Variants in QSER1 observed in about 807,000 individuals in gnomAD.
The protein encoded by QSER1 is glutamine and serine rich 1.
In QSER1, 49 loss-of-function variants were observed where a neutral mutation model predicts 158.5. The observed-to-expected ratio is 0.31, with a 90% CI of 0.25 to 0.39. QSER1 has a LOEUF of 0.39. QSER1 is among the 10% of genes least tolerant of loss of function. The probability of loss-of-function intolerance (pLI) is 1.00; values close to 1 mark genes in which losing one functional copy is unlikely to be tolerated. For synonymous variants in QSER1, 650 were observed against 715.5 expected (o/e 0.91, Z 1.46); for missense variants, 1,754 against 2,010.3 (o/e 0.87, Z 2.44).
chr11:32,894,679 A>G (rs767957794), intron 1 of QSER1, among the ~76,000 whole-genome samples: 2 of 152,254 alleles, frequency 1.3e-5, no homozygotes, highest in Non-Finnish European at 2.9e-5. Context: ...AAGAATAGGA[A>G]TATAAGCTTT....
At chr11:32,899,989 A>G (rs1851604586) in intron 1 of QSER1, among the ~76,000 whole-genome samples, 1 of 152,126 alleles carries the variant, frequency 6.6e-6, no homozygotes, top group Admixed American at 6.5e-5. Context: ...AGTAATTATT[A>G]TCACCATTTA....
intron 8 of QSER1, among the ~76,000 whole-genome samples, chr11:32,958,388 T>C (rs578072973): frequency 6.6e-6 from 1 of 151,542 alleles, no homozygotes; most frequent in African/African-American, 2.4e-5. Flanking sequence ...CATCTAGTTC[T>C]AAACTTTTTT....
At position 32,950,540 on chromosome 11, in the gene QSER1, AT is replaced by A. The variant is rs367584616; in HGVS notation, c.4178-3311del. Among the ~76,000 whole-genome samples the A allele has an allele frequency of 6.2e-4, 94 of 152,304 alleles. 1 individual carries two copies. The East Asian group carries it at 0.014, about 23-fold the overall frequency. ...CTCTATCAGCTGTGGTATTTGAAGT[AT>A]TTTTTAATAGTTTTATTGAATTATA... On this transcript the variant is annotated intron_variant, in intron 4 of 12. Transcript: ENST00000650167.
At chr11:32,929,381 C>T (rs1008126127) in intron 3 of QSER1, among the ~76,000 whole-genome samples, 7 of 152,100 alleles carry the variant, frequency 4.6e-5, no homozygotes, top group South Asian at 2.1e-4. Flanking sequence ...CAAAAGCGAC[C>T]GGCCTAGGAT....
At chr11:32,926,820 T>C (rs1395429560) in intron 1 of QSER1, 1 of 152,212 alleles carries the variant, frequency 6.6e-6, no homozygotes, top group Non-Finnish European at 1.5e-5. Flanking sequence ...TAAATTACAC[T>C]GTAAGCCAGA....
intron 8 of QSER1, among the ~76,000 whole-genome samples, chr11:32,961,767 G>A (rs988438582): frequency 6.6e-6 from 1 of 152,040 alleles, no homozygotes; most frequent in Non-Finnish European, 1.5e-5. Flanking sequence ...TTCCTTCTGT[G>A]TCTGGCTTCT....
At chr11:32,894,613 CT>C (rs1851531797) in intron 1 of QSER1, among the ~76,000 whole-genome samples, 1 of 152,154 alleles carries the variant, frequency 6.6e-6, no homozygotes, top group African/African-American at 2.4e-5. Flanking sequence ...GGTAGCTGGT[CT>C]TTGTCTTAGA....
chr11:32,920,102 G>A (rs979494564), intron 1 of QSER1, among the ~76,000 whole-genome samples: 6 of 152,124 alleles, frequency 3.9e-5, no homozygotes, highest in Non-Finnish European at 8.8e-5. Flanking sequence ...AGAATGGTAC[G>A]AGAAACCAAT....
intron 8 of QSER1, among the ~76,000 whole-genome samples, chr11:32,960,220 AT>A (rs543216797): frequency 2.6e-5 from 4 of 152,314 alleles, no homozygotes; most frequent in Non-Finnish European, 4.4e-5. Flanking sequence ...GCTTAAAAAA[AT>A]AATAATAAAA....
At chr11:32,925,522 A>ATTTG (rs975368944) in intron 1 of QSER1, among the ~76,000 whole-genome samples, 1 of 146,454 alleles carries the variant, frequency 6.8e-6, no homozygotes, top group African/African-American at 2.5e-5. Flanking sequence ...TTATTTATTT[A>ATTTG]TTTATTTATT....
At chr11:32,935,724 T>C (rs902736914) in intron 4 of QSER1, among the ~76,000 whole-genome samples, 7 of 152,264 alleles carry the variant, frequency 4.6e-5, no homozygotes, top group Admixed American at 2.0e-4. Flanking sequence ...AGGCACTGTA[T>C]TGTGGGCATT....
chr11:32,934,381 G>C lies in QSER1; in HGVS notation c.3123G>C (p.Lys1041Asn). 2 of 1,613,800 alleles carry C rather than the reference G, an allele frequency of 1.2e-6. No individual in the cohort carries two copies. Among genetic ancestry groups the C allele is most frequent in the South Asian group, 2.2e-5 (2 of 91,010 alleles). The change falls in exon 4 of 13, where the codon AAG becomes AAC. Residue 1041 changes from lysine (K) to asparagine (N), a missense_variant. Lys to Asn is a moderately conservative substitution (Grantham distance 94). Around this residue, in one of 2 missense-constraint regions of QSER1, gnomAD observed 1,707 missense variants for 1,919.6 expected, o/e 0.89. Transcript: ENST00000650167. ...ACTCTATGACAGCTACAGTAGGAAA[G>C]CCACAGAATATAAATGATACTTCCT... The part of the protein sequence containing the change: ...DFNSMTATVG[K>N]PQNINDTSLN...
intron 4 of QSER1, among the ~76,000 whole-genome samples, chr11:32,939,928 C>T (rs1852204688): frequency 6.6e-6 from 1 of 150,486 alleles, no homozygotes; most frequent in South Asian, 2.1e-4. Context: ...TTTTCCTAGT[C>T]TGTTGCCTAG....
At chr11:32,925,246 G>A (rs1463546628) in intron 1 of QSER1, among the ~76,000 whole-genome samples, 1 of 152,144 alleles carries the variant, frequency 6.6e-6, no homozygotes, top group African/African-American at 2.4e-5. Context: ...TGTATACCCA[G>A]TAATGAAATT....
At chr11:32,955,681 A>G (rs1852499237) in intron 6 of QSER1, among the ~76,000 whole-genome samples, 1 of 152,134 alleles carries the variant, frequency 6.6e-6, no homozygotes, top group South Asian at 2.1e-4. Flanking sequence ...TGAAGAGTTC[A>G]GATTGACTCA....
At chr11:32,905,468 A>G (rs1851680622) in intron 1 of QSER1, among the ~76,000 whole-genome samples, 1 of 152,256 alleles carries the variant, frequency 6.6e-6, no homozygotes, top group South Asian at 2.1e-4. Flanking sequence ...CAGAGCCACA[A>G]GGGACTGGTG....
At chr11:32,950,181 G>A (rs762290667) in intron 4 of QSER1, among the ~76,000 whole-genome samples, 3 of 151,658 alleles carry the variant, frequency 2.0e-5, no homozygotes, top group Non-Finnish European at 4.4e-5. Context: ...TGCAACCTCC[G>A]CCTCCCAGGT....
At chr11:32,902,538 A>G (rs1470039345) in intron 1 of QSER1, among the ~76,000 whole-genome samples, 1 of 152,188 alleles carries the variant, frequency 6.6e-6, no homozygotes, top group Non-Finnish European at 1.5e-5. Context: ...AACTTCCTTG[A>G]GCACCAGATC....
At chr11:32,951,174 C>T (rs1356391395) in intron 4 of QSER1, among the ~76,000 whole-genome samples, 1 of 152,112 alleles carries the variant, frequency 6.6e-6, no homozygotes, top group African/African-American at 2.4e-5. Flanking sequence ...TATAATCATC[C>T]TAGTAGGATG....
Sources: gnomAD v4.1 joint callset for allele counts (sites outside exome capture counted in the v4.1 genomes callset) on GRCh38, gnomAD v4.1.1 for gene constraint, gnomAD v4.1.1 regional missense constraint, MANE v1.5 for transcripts, NCBI Gene and HGNC (gene_info 2026-07-23, HGNC 2026-07-21) for gene names.